Variants in PSMA1 observed in about 807,000 individuals in gnomAD.
PSMA1 encodes proteasome 20S subunit alpha 1.
PSMA1 carries 3 observed loss-of-function variants against 38.4 expected under a neutral mutation model. The observed-to-expected ratio is 0.08, with a 90% CI of 0.04 to 0.20. The LOEUF (loss-of-function observed/expected upper bound fraction) is 0.20, where lower values mean the gene tolerates loss of function less well. Ranked by LOEUF, PSMA1 falls within the 10% of genes least tolerant of loss-of-function variation. PSMA1 has a pLI of 1.00. For missense variants in PSMA1, 227 were observed against 325.3 expected (o/e 0.70, Z 2.32); for synonymous variants, 101 against 107.1 (o/e 0.94, Z 0.35).
At chr11:14,633,812 C>G (rs1055633692) in intron 1 of PSMA1, among the ~76,000 whole-genome samples, 2 of 152,168 alleles carry the variant, frequency 1.3e-5, no homozygotes, top group East Asian at 1.9e-4. Context: ...TAGGACCCTC[C>G]GAGCCAGGTG....
intron 2 of PSMA1, among the ~76,000 whole-genome samples, chr11:14,546,320 C>G (rs926826232): frequency 6.6e-6 from 1 of 152,032 alleles, no homozygotes; most frequent in African/African-American, 2.4e-5. Flanking sequence ...CCACCCTGCC[C>G]CCCAACAACA....
intron 2 of PSMA1, among the ~76,000 whole-genome samples, chr11:14,589,365 A>ATATGTG (rs1554971452): frequency 3.7e-4 from 54 of 147,648 alleles, no homozygotes; most frequent in South Asian, 8.5e-4. Context: ...ATATATATAT[A>ATATGTG]TGTGTGTGTG....
intron 7 of PSMA1, among the ~76,000 whole-genome samples, chr11:14,511,593 T>C (rs1851344164): frequency 1.3e-5 from 2 of 152,162 alleles, no homozygotes. Flanking sequence ...AAGCACGTGA[T>C]AAAACCTAAA....
intron 2 of PSMA1, among the ~76,000 whole-genome samples, chr11:14,574,479 A>G (rs1427651000): frequency 6.6e-6 from 1 of 152,196 alleles, no homozygotes; most frequent in Non-Finnish European, 1.5e-5. Flanking sequence ...GCCCCTGCCT[A>G]GATTTCAGAA....
rs529691118 is a variant in PSMA1 at position 14,578,705 on chromosome 11, A to G, written c.21+32261T>C. Among the ~76,000 whole-genome samples, 3 of 152,328 alleles carry G rather than the reference A, an allele frequency of 2.0e-5. No homozygotes were observed. In the South Asian group the frequency reaches 6.2e-4, roughly 32 times the overall value. On this transcript the variant is annotated intron_variant, in intron 2 of 10. Coordinates refer to the PSMA1 transcript ENST00000418988. Reference sequence around the variant, plus strand: ...TATCTACGTAAACAGGAAGTAGAGAAGGTTGCAGGAGAGGGCAGTGGTTAG... The same window carrying G: ...TATCTACGTAAACAGGAAGTAGAGAGGGTTGCAGGAGAGGGCAGTGGTTAG...
At chr11:14,565,584 A>C (rs1214563726) in intron 2 of PSMA1, among the ~76,000 whole-genome samples, 1 of 152,214 alleles carries the variant, frequency 6.6e-6, no homozygotes, top group East Asian at 1.9e-4. Context: ...TGCTATGTTT[A>C]TAGCTACCTA....
chr11:14,620,262 A>G (rs948477982), intron 1 of PSMA1, among the ~76,000 whole-genome samples: 15 of 152,160 alleles, frequency 9.9e-5, no homozygotes, highest in African/African-American at 3.6e-4. Context: ...TATTCATGAA[A>G]CAGATCCAGG....
intron 8 of PSMA1, among the ~76,000 whole-genome samples, chr11:14,509,078 G>C (rs1204498232): frequency 1.3e-5 from 2 of 152,068 alleles, no homozygotes; most frequent in African/African-American, 4.8e-5. Context: ...ATGTAGGTTG[G>C]ACCACTCTCC....
intron 1 of PSMA1, among the ~76,000 whole-genome samples, chr11:14,629,966 G>C (rs903895431): frequency 6.6e-6 from 1 of 152,022 alleles, no homozygotes; most frequent in Non-Finnish European, 1.5e-5. Flanking sequence ...TTGGCTCTCC[G>C]TCTGTTGTTG....
intron 2 of PSMA1, 75 bp from the exon 3 acceptor site, chr11:14,518,056 C>G (rs1205505278): frequency 9.5e-7 from 1 of 1,050,336 alleles, no homozygotes; most frequent in Non-Finnish European, 1.4e-6. Context: ...TTTCAAATAT[C>G]AGGTGAGCAC....
chr11:14,560,525 G>A (rs1851996365), intron 2 of PSMA1, among the ~76,000 whole-genome samples: 1 of 152,132 alleles, frequency 6.6e-6, no homozygotes, highest in Non-Finnish European at 1.5e-5. Flanking sequence ...ATTGGGCAAA[G>A]TGATACCAAG....
chr11:14,558,249 C>CA (rs35509045), intron 2 of PSMA1, among the ~76,000 whole-genome samples: 39,255 of 78,338 alleles, frequency 0.5, 9,233 homozygotes, highest in East Asian at 0.63. Flanking sequence ...CCCATCTGCA[C>CA]AAAAAAAAAA....
At chr11:14,606,906 A>T (rs2134196500) in intron 2 of PSMA1, among the ~76,000 whole-genome samples, 1 of 152,348 alleles carries the variant, frequency 6.6e-6, no homozygotes, top group East Asian at 1.9e-4. Flanking sequence ...ATGTGTGGGA[A>T]TAATAGGCTT....
chr11:14,578,138 G>T (rs1010759102), intron 2 of PSMA1, among the ~76,000 whole-genome samples: 16 of 151,952 alleles, frequency 1.1e-4, no homozygotes, highest in Non-Finnish European at 2.1e-4. Flanking sequence ...ACGGGTTGAT[G>T]GGTGCAGCAA....
At chr11:14,635,083 G>A (rs777844171) in intron 1 of PSMA1, among the ~76,000 whole-genome samples, 32 of 152,142 alleles carry the variant, frequency 2.1e-4, no homozygotes, top group Non-Finnish European at 3.7e-4. Flanking sequence ...AAAGAGAGTG[G>A]CTTGCTGGTC....
chr11:14,507,587 A>ACAGACACAGT (rs1851266070), intron 9 of PSMA1, 69 bp downstream of exon 9: 1 of 1,084,602 alleles, frequency 9.2e-7, no homozygotes, highest in Admixed American at 2.2e-5. Context: ...TGGAAAATTT[A>ACAGACACAGT]CAGACACAGT....
intron 2 of PSMA1, among the ~76,000 whole-genome samples, chr11:14,527,581 C>T (rs549462079): frequency 2.6e-5 from 4 of 152,298 alleles, no homozygotes; most frequent in South Asian, 2.1e-4. Flanking sequence ...ACATCAAGCT[C>T]GGGGATTTGC....
intron 2 of PSMA1, among the ~76,000 whole-genome samples, chr11:14,595,920 T>C (rs568384242): frequency 3.9e-5 from 6 of 152,338 alleles, no homozygotes; most frequent in African/African-American, 1.4e-4. Flanking sequence ...AATTTTTGTA[T>C]AAGGTGTAAG....
chr11:14,605,016 A>G (rs1458233562), intron 2 of PSMA1, among the ~76,000 whole-genome samples: 1 of 152,190 alleles, frequency 6.6e-6, no homozygotes, highest in Non-Finnish European at 1.5e-5. Flanking sequence ...GATGAACATG[A>G]GAATACATAT....
Sources: allele counts gnomAD v4.1 joint callset (sites outside exome capture counted in the v4.1 genomes callset), GRCh38; gene constraint gnomAD v4.1.1; transcripts MANE v1.5; gene names NCBI Gene and HGNC (gene_info 2026-07-23, HGNC 2026-07-21).